Variants in ZNF521 observed in about 807,000 individuals in gnomAD.
ZNF521 encodes the protein zinc finger protein 521, also known as LYST-interacting protein 3.
A neutral mutation model predicts 105.5 loss-of-function variants in ZNF521; 14 were observed. That is an observed-to-expected ratio of 0.13 (90% CI 0.09 to 0.21). ZNF521 has a LOEUF of 0.21. ZNF521 is among the 10% of genes least tolerant of loss of function. The pLI is 1.00. For synonymous variants in ZNF521, 635 were observed against 606.0 expected (o/e 1.05, Z -0.70); for missense variants, 1,233 against 1,629.7 (o/e 0.76, Z 4.19).
chr18:25,170,930 C>T (rs1055691380), intron 5 of ZNF521, among the ~76,000 whole-genome samples: 2 of 152,028 alleles, frequency 1.3e-5, no homozygotes, highest in African/African-American at 2.4e-5. Context: ...TTTATTGGGA[C>T]AATCTGATTC....
chr18:25,132,068 T>A (rs779910427), intron 5 of ZNF521, among the ~76,000 whole-genome samples: 1 of 151,988 alleles, frequency 6.6e-6, no homozygotes, highest in Non-Finnish European at 1.5e-5. Context: ...GCACAAGAGA[T>A]CCCAAAGTCA....
intron 5 of ZNF521, among the ~76,000 whole-genome samples, chr18:25,128,404 C>T (rs575469266): frequency 1.3e-5 from 2 of 151,904 alleles, no homozygotes; most frequent in African/African-American, 4.8e-5. Flanking sequence ...AGATCTGAAA[C>T]AAGGCAAAGA....
intron 5 of ZNF521, among the ~76,000 whole-genome samples, chr18:25,105,837 G>A (rs528260527): frequency 6.6e-6 from 1 of 152,268 alleles, no homozygotes; most frequent in South Asian, 2.1e-4. Context: ...CTATGCCCAG[G>A]AAGATAGGAG....
intron 5 of ZNF521, among the ~76,000 whole-genome samples, chr18:25,120,590 A>AACAAAC (rs1555636097): frequency 0.05 from 5,703 of 115,020 alleles, 155 homozygotes; most frequent in Non-Finnish European, 0.058. Flanking sequence ...TCTAAAAAAA[A>AACAAAC]AAAAAAAAAA....
chr18:25,087,264 A>G (rs976586819), intron 7 of ZNF521, among the ~76,000 whole-genome samples: 4 of 152,208 alleles, frequency 2.6e-5, no homozygotes, highest in African/African-American at 7.2e-5. Flanking sequence ...AGTGAATACT[A>G]TATGTTCCAC....
intron 5 of ZNF521, among the ~76,000 whole-genome samples, chr18:25,163,548 TG>T (rs1295157611): frequency 6.6e-6 from 1 of 152,100 alleles, no homozygotes; most frequent in Non-Finnish European, 1.5e-5. Context: ...ACTGTGAAAT[TG>T]GTAATTTTAT....
At chr18:25,159,554 C>T (rs989176171) in intron 5 of ZNF521, among the ~76,000 whole-genome samples, 1 of 152,044 alleles carries the variant, frequency 6.6e-6, no homozygotes, top group African/African-American at 2.4e-5. Context: ...AGATTGATGA[C>T]TAAATAACGA....
intron 3 of ZNF521, among the ~76,000 whole-genome samples, chr18:25,277,119 G>A (rs774138952): frequency 2.0e-5 from 3 of 151,096 alleles, no homozygotes; most frequent in Non-Finnish European, 4.4e-5. Flanking sequence ...GGAGACAGAA[G>A]TTGCAGTGAG....
intron 5 of ZNF521, among the ~76,000 whole-genome samples, chr18:25,188,119 A>C (rs2035757546): frequency 6.6e-6 from 1 of 152,070 alleles, no homozygotes; most frequent in African/African-American, 2.4e-5. Flanking sequence ...AACAGCCCAC[A>C]CGGCTGCCCC....
chr18:25,285,411 A>G (rs1404003852), intron 3 of ZNF521, among the ~76,000 whole-genome samples: 3 of 152,226 alleles, frequency 2.0e-5, no homozygotes, highest in African/African-American at 7.2e-5. Context: ...CTTTGCTCCC[A>G]CTGGAGGCTT....
chr18:25,276,690 A>G (rs1910052718), intron 3 of ZNF521, among the ~76,000 whole-genome samples: 1 of 152,244 alleles, frequency 6.6e-6, no homozygotes, highest in East Asian at 1.9e-4. Flanking sequence ...CCACACTTCA[A>G]TTTTACACTG....
intron 3 of ZNF521, among the ~76,000 whole-genome samples, chr18:25,319,829 G>A (rs886295498): frequency 1.3e-5 from 2 of 152,144 alleles, no homozygotes; most frequent in Non-Finnish European, 2.9e-5. Context: ...TGAGAAGGGT[G>A]CAATATCACT....
intron 3 of ZNF521, among the ~76,000 whole-genome samples, chr18:25,294,301 G>T (rs1911199171): frequency 6.6e-6 from 1 of 151,968 alleles, no homozygotes; most frequent in Non-Finnish European, 1.5e-5. Context: ...TTTGCTTCTA[G>T]GTATAATTCA....
intron 3 of ZNF521, among the ~76,000 whole-genome samples, chr18:25,303,270 T>G (rs1010558251): frequency 8.0e-6 from 1 of 124,864 alleles, no homozygotes; most frequent in African/African-American, 3.2e-5. Context: ...TTTCTTTCTT[T>G]CGTGTGTGTG....
At chr18:25,083,789 G>T (rs2033557361) in intron 7 of ZNF521, among the ~76,000 whole-genome samples, 1 of 151,422 alleles carries the variant, frequency 6.6e-6, no homozygotes, top group East Asian at 1.9e-4. Context: ...CTTGAGACAA[G>T]GTCTCTCTCT....
chr18:25,318,117 G>A (rs980510263), intron 3 of ZNF521, among the ~76,000 whole-genome samples: 2 of 151,984 alleles, frequency 1.3e-5, no homozygotes, highest in African/African-American at 4.8e-5. Flanking sequence ...TTCATATAAT[G>A]GAATACTACA....
intron 3 of ZNF521, among the ~76,000 whole-genome samples, chr18:25,257,757 A>G (rs909023326): frequency 2.6e-5 from 4 of 152,202 alleles, no homozygotes; most frequent in African/African-American, 9.6e-5. Flanking sequence ...AATTCCTTAT[A>G]TCTCAGCCTT....
chr18:25,131,324 C>G (rs768370871), intron 5 of ZNF521, among the ~76,000 whole-genome samples: 1 of 152,136 alleles, frequency 6.6e-6, no homozygotes, highest in African/African-American at 2.4e-5. Flanking sequence ...TTTCTCTGTC[C>G]ACCCTGGATC....
chr18:25,322,222 A>C, intron 2 of ZNF521, 35 bp from the exon 3 acceptor site: 1 of 1,599,844 alleles, frequency 6.3e-7, no homozygotes, highest in Non-Finnish European at 8.6e-7. Flanking sequence ...ATGGGGTTTA[A>C]AGACAGGTTC....
Sources: gnomAD v4.1 joint callset for allele counts (sites outside exome capture counted in the v4.1 genomes callset) on GRCh38, gnomAD v4.1.1 for gene constraint, MANE v1.5 for transcripts, NCBI Gene and HGNC (gene_info 2026-07-23, HGNC 2026-07-21) for gene names.